Variants in AKAP6 observed in about 807,000 individuals in gnomAD.
AKAP6 encodes the protein A-kinase anchor protein 6.
Under a neutral mutation model 188.5 loss-of-function variants are expected in AKAP6, and 58 were observed. That is an observed-to-expected ratio of 0.31 (90% CI 0.25 to 0.38). The LOEUF is 0.38. Among genes scored for constraint, AKAP6 ranks in the 10% least tolerant of loss-of-function variants. The pLI, the probability that AKAP6 is intolerant of heterozygous loss-of-function variation, is 1.00. For synonymous variants in AKAP6, 989 were observed against 998.6 expected (o/e 0.99, Z 0.18); for missense variants, 2,710 against 2,740.0 (o/e 0.99, Z 0.24).
chr14:32,806,110 A>T (rs1390252024), intron 12 of AKAP6, among the ~76,000 whole-genome samples: 1 of 152,212 alleles, frequency 6.6e-6, no homozygotes. Context: ...CTGGGGGCAG[A>T]TAATCAAGAA....
At chr14:32,363,900 A>G (rs1350534236) in intron 1 of AKAP6, among the ~76,000 whole-genome samples, 1 of 152,236 alleles carries the variant, frequency 6.6e-6, no homozygotes, top group Non-Finnish European at 1.5e-5. Context: ...TAGGGAAAGA[A>G]GAGAGCAGTG....
rs59506546 is a variant in AKAP6, at chr14:32,780,157, C to CATATATATATAT, written c.3588+6267_3588+6278dup. On this transcript the variant is annotated intron_variant, in intron 12 of 13. Transcript: ENST00000280979. Reference sequence around the variant, plus strand: ...TGGAAAAAGAAATTGAAAAAAAAAACATATATATATATATGCATGCTTATA... The same window carrying CATATATATATAT: ...TGGAAAAAGAAATTGAAAAAAAAAACATATATATATATATATATATATATATGCATGCTTATA... 6.5e-4 allele frequency among the ~76,000 whole-genome samples: 78 copies of CATATATATATAT among 119,382 alleles called. 1 individual carries two copies. The highest frequency in any genetic ancestry group is 2.2e-3 in the African/African-American group (69 of 31,302). The allele number at this position is 119,382 out of a possible 152,430, so 78.3% of individuals were successfully genotyped here.
At chr14:32,562,657 C>T (rs1884004102) in intron 4 of AKAP6, among the ~76,000 whole-genome samples, 1 of 152,094 alleles carries the variant, frequency 6.6e-6, no homozygotes, top group Non-Finnish European at 1.5e-5. Flanking sequence ...ACTCAGGAGG[C>T]AGAGGCAGGA....
chr14:32,661,380 G>A (rs776820563), intron 7 of AKAP6, among the ~76,000 whole-genome samples: 16 of 152,110 alleles, frequency 1.1e-4, no homozygotes, highest in Non-Finnish European at 2.4e-4. Flanking sequence ...AAGGGAAGGA[G>A]TGACAAAGCG....
At chr14:32,614,404 C>G (rs1426367498) in intron 7 of AKAP6, among the ~76,000 whole-genome samples, 2 of 152,162 alleles carry the variant, frequency 1.3e-5, no homozygotes, top group African/African-American at 4.8e-5. Context: ...GACTTTCTCT[C>G]ATAACAGTCT....
rs139462250 is a variant in AKAP6, at chr14:32,664,514, G to T, written c.2731-13797G>T. On this transcript the variant is annotated intron_variant, in intron 7 of 13. Coordinates refer to ENST00000280979, the MANE Select transcript of AKAP6 (RefSeq NM_004274.5). ...GAGTTTTACTTTTGAAAATATTACT[G>T]CAGTGTCAGCCTACAAAAGAATTTT... Among the ~76,000 whole-genome samples, 454 of 152,188 alleles carry T rather than the reference G, an allele frequency of 3.0e-3. 2 individuals are homozygous for T. Among genetic ancestry groups the T allele is most frequent in the African/African-American group, 0.01 (435 of 41,528 alleles).
chr14:32,585,200 G>A (rs1349545981), intron 5 of AKAP6, among the ~76,000 whole-genome samples: 1 of 152,094 alleles, frequency 6.6e-6, no homozygotes, highest in Non-Finnish European at 1.5e-5. Context: ...TTCATCAAAT[G>A]TAATCATTCA....
At chr14:32,706,836 G>T (rs1314989238) in intron 9 of AKAP6, among the ~76,000 whole-genome samples, 3 of 151,912 alleles carry the variant, frequency 2.0e-5, no homozygotes, top group Non-Finnish European at 4.4e-5. Flanking sequence ...ATGCAAGCTA[G>T]GAAAGAAACA....
At position 32,389,212 on chromosome 14, in the gene AKAP6, T is replaced by G. The variant is rs151130927; in HGVS notation, c.-34-44248T>G. Among the ~76,000 whole-genome samples, 74 of 152,290 alleles carry G rather than the reference T, an allele frequency of 4.9e-4. No individual in the cohort carries two copies. In the East Asian group the frequency reaches 0.01, roughly 21 times the overall value. ...CCTGAAATGTCTTTTTCCACCCCTT[T>G]ACCTTAAGTTTGTGCGAGTCCTTAT... On this transcript the variant is annotated intron_variant, in intron 1 of 13. Transcript: ENST00000280979.
At chr14:32,599,595 T>C in intron 6 of AKAP6, 89 bp downstream of exon 6, 1 of 928,216 alleles carries the variant, frequency 1.1e-6, no homozygotes, top group Non-Finnish European at 1.7e-6. Context: ...ATATATTCAC[T>C]TCCTTATGTA....
At chr14:32,594,715 G>T (rs1415616160) in intron 5 of AKAP6, among the ~76,000 whole-genome samples, 2 of 152,186 alleles carry the variant, frequency 1.3e-5, no homozygotes, top group Admixed American at 6.5e-5. Flanking sequence ...ACTTTTCAAG[G>T]CTTGGCTTTT....
intron 2 of AKAP6, among the ~76,000 whole-genome samples, chr14:32,452,017 T>A (rs1890957121): frequency 3.3e-5 from 3 of 89,794 alleles, no homozygotes; most frequent in South Asian, 4.3e-4. Flanking sequence ...TTACATTTTT[T>A]TTTTTTTTTT....
chr14:32,585,492 A>ACGTG (rs4007573), intron 5 of AKAP6, among the ~76,000 whole-genome samples: 44,556 of 150,756 alleles, frequency 0.3, 7,614 homozygotes, highest in South Asian at 0.41. Context: ...AACTATATAT[A>ACGTG]TGTGTGTGTG....
intron 11 of AKAP6, among the ~76,000 whole-genome samples, chr14:32,751,195 G>T (rs114752301): frequency 2.6e-3 from 396 of 151,952 alleles, no homozygotes; most frequent in African/African-American, 9.2e-3. Flanking sequence ...CACTAAAAAT[G>T]TATTTTTAGT....
chr14:32,339,460 T>G (rs1438488136), intron 1 of AKAP6, among the ~76,000 whole-genome samples: 1 of 152,328 alleles, frequency 6.6e-6, no homozygotes, highest in East Asian at 1.9e-4. Flanking sequence ...GAAGCTCTGA[T>G]GTCCTCCTCT....
At chr14:32,449,528 A>G (rs1594625131) in intron 2 of AKAP6, among the ~76,000 whole-genome samples, 3 of 151,212 alleles carry the variant, frequency 2.0e-5, no homozygotes, top group African/African-American at 7.3e-5. Flanking sequence ...TCTCAAAAAA[A>G]AAAAAAAAAA....
intron 10 of AKAP6, chr14:32,733,052 A>G (rs1008169359): frequency 8.0e-5 from 15 of 187,494 alleles, no homozygotes; most frequent in Admixed American, 5.9e-5. Context: ...CACTAAAGCC[A>G]CCAAAACAAA....
intron 7 of AKAP6, among the ~76,000 whole-genome samples, chr14:32,661,178 G>A (rs1455162598): frequency 6.6e-6 from 1 of 151,974 alleles, no homozygotes; most frequent in African/African-American, 2.4e-5. Flanking sequence ...GAAGCCAAGG[G>A]CTCAACATGT....
In AKAP6 at chr14:32,545,379, CAT is replaced by C. The variant is rs1883147782; in HGVS notation, c.727_728del (p.Met243AspfsTer3). The C allele has an allele frequency of 6.2e-7, 1 of 1,614,076 alleles. No individual in the cohort carries two copies. On this transcript the variant is annotated frameshift_variant, in exon 4 of 14. Transcript: ENST00000280979. LOFTEE classifies it high-confidence loss of function. ...SEDLLSGLGDMTSSQVKTKPF... is the reference protein window; with the variant it reads ...SEDLLSGLGDXTSSQVKTKPF... Reference sequence around the variant, plus strand: ...AGGATTTGCTCAGTGGGCTAGGTGACATGACCTCTAGCCAAGTCAAAACCAAA... The same window carrying C: ...AGGATTTGCTCAGTGGGCTAGGTGACGACCTCTAGCCAAGTCAAAACCAAA...
Sources: allele counts gnomAD v4.1 joint callset (sites outside exome capture counted in the v4.1 genomes callset), GRCh38; gene constraint gnomAD v4.1.1; transcripts MANE v1.5; gene names NCBI Gene and HGNC (gene_info 2026-07-23, HGNC 2026-07-21).